Variants in PHLPP2 observed in about 807,000 individuals in gnomAD.
PHLPP2 encodes the protein PH domain and leucine rich repeat protein phosphatase 2.
A neutral mutation model predicts 124.9 loss-of-function variants in PHLPP2; 66 were observed. The ratio of observed to expected loss-of-function variants is 0.53; its 90% CI spans 0.43 to 0.65. The LOEUF is 0.65. Among genes scored for constraint, PHLPP2 ranks in the 30% least tolerant of loss-of-function variants. The pLI, the probability that PHLPP2 is intolerant of heterozygous loss-of-function variation, is 0.00. For missense variants in PHLPP2, 1,685 were observed against 1,600.4 expected, an observed-to-expected ratio of 1.05 and a Z score of -0.90; for synonymous variants, 681 against 624.7, an observed-to-expected ratio of 1.09 and a Z score of -1.34.
At position 71,684,251 on chromosome 16, in the gene PHLPP2, G is replaced by A. The variant is rs901750339; in HGVS notation, c.735+225C>T. On this transcript the variant is annotated intron_variant, in intron 5 of 18. Coordinates refer to ENST00000568954, the MANE Select transcript of PHLPP2 (RefSeq NM_015020.3). ...AGCGATTCGCCTGCCTCAGCCTTCC[G>A]AGTAGCTGGGACTACAGGTGCATGC... Among the ~76,000 whole-genome samples the A allele has an allele frequency of 3.3e-5, 5 of 149,798 alleles. No individual in the cohort carries two copies. The South Asian group carries it at 8.5e-4, about 25-fold the overall frequency.
chr16:71,707,549 G>A (rs1450825314), intron 2 of PHLPP2, among the ~76,000 whole-genome samples: 5 of 152,000 alleles, frequency 3.3e-5, no homozygotes. Flanking sequence ...TGAATCATGA[G>A]GTCAAAGATT....
chr16:71,717,812 G>A (rs2045373208), intron 1 of PHLPP2, among the ~76,000 whole-genome samples: 1 of 152,138 alleles, frequency 6.6e-6, no homozygotes, highest in South Asian at 2.1e-4. Context: ...AAACAAAAAA[G>A]TCGTCTTCAG....
intron 2 of PHLPP2, among the ~76,000 whole-genome samples, chr16:71,714,286 G>A (rs2045343044): frequency 6.6e-6 from 1 of 152,088 alleles, no homozygotes; most frequent in African/African-American, 2.4e-5. Context: ...TTAGATATCT[G>A]ACCTATGGTG....
At chr16:71,719,257 G>A (rs769498005) in intron 1 of PHLPP2, among the ~76,000 whole-genome samples, 3 of 152,126 alleles carry the variant, frequency 2.0e-5, no homozygotes, top group Non-Finnish European at 4.4e-5. Context: ...CTTTCTAGCC[G>A]GGCGCAGTGG....
chr16:71,687,058 C>T (rs1447537935), intron 4 of PHLPP2, among the ~76,000 whole-genome samples: 2 of 152,166 alleles, frequency 1.3e-5, no homozygotes, highest in African/African-American at 2.4e-5. Context: ...ATAAATGTTC[C>T]AGTTGCTCCG....
intron 10 of PHLPP2, among the ~76,000 whole-genome samples, chr16:71,670,721 C>CACACACACACACACA (rs1555545714): frequency 6.6e-6 from 1 of 151,064 alleles, no homozygotes; most frequent in Non-Finnish European, 1.5e-5. Flanking sequence ...CACACACACA[C>CACACACACACACACA]GAGAGGAGGG....
At chr16:71,670,794 G>A (rs2044886163) in intron 10 of PHLPP2, among the ~76,000 whole-genome samples, 1 of 151,904 alleles carries the variant, frequency 6.6e-6, no homozygotes, top group Non-Finnish European at 1.5e-5. Flanking sequence ...CAGGGCAGTG[G>A]GAGTGGAGGA....
At chr16:71,692,155 C>T (rs1484928167) in intron 3 of PHLPP2, among the ~76,000 whole-genome samples, 1 of 151,954 alleles carries the variant, frequency 6.6e-6, no homozygotes, top group Non-Finnish European at 1.5e-5. Flanking sequence ...CTGCGAGCCC[C>T]GCCTCCCAGC....
intron 8 of PHLPP2, chr16:71,676,906 C>A: frequency 2.4e-6 from 1 of 412,796 alleles, no homozygotes; most frequent in Non-Finnish European, 4.5e-6. Context: ...CCCCACCATG[C>A]CAGGCTAATT....
In PHLPP2 at chr16:71,647,002, C is replaced by T. The variant is rs2044658257; in HGVS notation, c.*1888G>A. Reference sequence around the variant, plus strand: ...GATGAAGACACATAATTATTATGGACAGGTCATCTGATTTTGACTATTGCT... The same window carrying T: ...GATGAAGACACATAATTATTATGGATAGGTCATCTGATTTTGACTATTGCT... On this transcript the variant is annotated 3_prime_UTR_variant, in exon 19 of 19. Coordinates refer to ENST00000568954, the MANE Select transcript of PHLPP2 (RefSeq NM_015020.3). The T allele has an allele frequency of 6.6e-6, 1 of 152,556 alleles. No individual in the cohort carries two copies. Among genetic ancestry groups the T allele is most frequent in the Non-Finnish European group, 1.5e-5 (1 of 68,030 alleles). 9.5% of individuals were successfully genotyped at this position (152,556 alleles called of 1,614,324 possible).
chr16:71,710,676 C>T (rs2045318035), intron 2 of PHLPP2, among the ~76,000 whole-genome samples: 1 of 152,232 alleles, frequency 6.6e-6, no homozygotes, highest in Non-Finnish European at 1.5e-5. Context: ...CAGGCTCCAC[C>T]TAAACCTACT....
At chr16:71,701,058 G>C in intron 3 of PHLPP2, among the ~76,000 whole-genome samples, 1 of 152,102 alleles carries the variant, frequency 6.6e-6, no homozygotes. Flanking sequence ...CTGAGGCCAT[G>C]TGAGTGAACC....
intron 1 of PHLPP2, among the ~76,000 whole-genome samples, chr16:71,716,197 C>G (rs1295421893): frequency 6.6e-6 from 1 of 152,172 alleles, no homozygotes; most frequent in African/African-American, 2.4e-5. Flanking sequence ...ACTTTATCCA[C>G]TCTCCTGTTG....
chr16:71,698,740 C>A, intron 3 of PHLPP2: 1 of 281,756 alleles, frequency 3.5e-6, no homozygotes, highest in Non-Finnish European at 7.0e-6. Flanking sequence ...ATTAATCATG[C>A]TACCTACTCA....
At chr16:71,697,434 G>A (rs1201106734) in intron 3 of PHLPP2, among the ~76,000 whole-genome samples, 1 of 152,236 alleles carries the variant, frequency 6.6e-6, no homozygotes, top group South Asian at 2.1e-4. Context: ...GAAAGGCTGC[G>A]AAATGGGCTG....
Position 71,661,239 on chromosome 16 carries a change from T to G in PHLPP2, c.1986-2424A>C, listed in dbSNP as rs147272010. On this transcript the variant is annotated intron_variant, in intron 13 of 18. Coordinates refer to ENST00000568954, the MANE Select transcript of PHLPP2 (RefSeq NM_015020.3). Reference sequence around the variant, plus strand: ...GCACACAACACCACACTCAGCTGATTTTTGTATTTTTAGTAGAGACAGGGT... The same window carrying G: ...GCACACAACACCACACTCAGCTGATGTTTGTATTTTTAGTAGAGACAGGGT... 1.3e-3 allele frequency among the ~76,000 whole-genome samples: 197 copies of G among 151,958 alleles called. 1 individual carries two copies. The highest frequency in any genetic ancestry group is 4.4e-3 in the African/African-American group (182 of 41,438).
Position 71,702,781 on chromosome 16 carries a change from G to A in PHLPP2, c.285-50C>T, listed in dbSNP as rs367893676. On this transcript the variant is annotated intron_variant, in intron 2 of 18. Transcript: ENST00000568954. ...TATATATTTGGTAAGTAATAAAAAT[G>A]GTTCATTTAATTTTTTAGTATTTTT... 1.6e-4 allele frequency: 205 copies of A among 1,314,686 alleles called. 1 individual carries two copies. In the African/African-American group the frequency reaches 3.2e-3, roughly 21 times the overall value. The allele number at this position is 1,314,686 out of a possible 1,614,324, so 81.4% of individuals were successfully genotyped here.
At chr16:71,682,041 C>A (rs1277716558) in intron 5 of PHLPP2, 136 bp from the exon 6 acceptor site, 4 of 572,218 alleles carry the variant, frequency 7.0e-6, no homozygotes, top group Admixed American at 7.5e-5. Flanking sequence ...TCCAATTATT[C>A]ATTTATAAAT....
chr16:71,654,821 A>G (rs2044728328), intron 17 of PHLPP2, among the ~76,000 whole-genome samples: 1 of 152,236 alleles, frequency 6.6e-6, no homozygotes, highest in Non-Finnish European at 1.5e-5. Flanking sequence ...TACTTAGAAG[A>G]TTAGTTTGGT....
Sources: gnomAD v4.1 joint callset for allele counts (sites outside exome capture counted in the v4.1 genomes callset) on GRCh38, gnomAD v4.1.1 for gene constraint, MANE v1.5 for transcripts, NCBI Gene and HGNC (gene_info 2026-07-23, HGNC 2026-07-21) for gene names.